NPAS3: variants seen among roughly 807,000 people sequenced by gnomAD.
The protein encoded by NPAS3 is neuronal PAS domain protein 3.
In NPAS3, 14 loss-of-function variants were observed where a neutral mutation model predicts 73.1. That is an observed-to-expected ratio of 0.19 (90% CI 0.13 to 0.30). The LOEUF is 0.30. Ranked by LOEUF, NPAS3 falls within the 10% of genes least tolerant of loss-of-function variation. The probability of loss-of-function intolerance (pLI) is 1.00; values close to 1 mark genes in which losing one functional copy is unlikely to be tolerated. For missense variants in NPAS3, 1,096 were observed against 1,250.0 expected (o/e 0.88, Z 1.86); for synonymous variants, 620 against 541.5 (o/e 1.14, Z -2.01).
At chr14:33,313,031 C>T (rs1054807464) in intron 3 of NPAS3, among the ~76,000 whole-genome samples, 12 of 151,868 alleles carry the variant, frequency 7.9e-5, no homozygotes, top group Non-Finnish European at 1.8e-4. Flanking sequence ...CTGAAATGAG[C>T]TCATGAAAAT....
intron 2 of NPAS3, among the ~76,000 whole-genome samples, chr14:33,097,621 G>A (rs1294265349): frequency 6.6e-6 from 1 of 152,174 alleles, no homozygotes; most frequent in Non-Finnish European, 1.5e-5. Context: ...CAAAGTGGTT[G>A]TACCAATCAG....
intron 5 of NPAS3, among the ~76,000 whole-genome samples, chr14:33,563,527 C>T (rs1474213408): frequency 7.8e-6 from 1 of 127,684 alleles, no homozygotes; most frequent in Non-Finnish European, 1.6e-5. Flanking sequence ...TACACACACA[C>T]ACACACACAC....
chr14:33,275,700 G>C (rs77693159), intron 3 of NPAS3, among the ~76,000 whole-genome samples: 5,702 of 70,120 alleles, frequency 0.081, 433 homozygotes, highest in East Asian at 0.38. Flanking sequence ...AATATTCCTG[G>C]TTGTTTTCCT....
intron 4 of NPAS3, among the ~76,000 whole-genome samples, chr14:33,412,231 A>G (rs1034669225): frequency 6.6e-6 from 1 of 152,010 alleles, no homozygotes; most frequent in African/African-American, 2.4e-5. Context: ...CAATTCTTCT[A>G]CATCAGCCTC....
chr14:32,990,916 C>T (rs995109552), intron 1 of NPAS3, among the ~76,000 whole-genome samples: 2 of 151,226 alleles, frequency 1.3e-5, no homozygotes, highest in East Asian at 2.0e-4. Context: ...AACAGAGATG[C>T]CATCTCAAAA....
intron 4 of NPAS3, among the ~76,000 whole-genome samples, chr14:33,474,839 G>A (rs1225541476): frequency 6.6e-6 from 1 of 152,128 alleles, no homozygotes; most frequent in Non-Finnish European, 1.5e-5. Flanking sequence ...TAACTTTACT[G>A]ATTACTTATG....
At chr14:33,450,895 T>C (rs893154921) in intron 4 of NPAS3, among the ~76,000 whole-genome samples, 1 of 152,216 alleles carries the variant, frequency 6.6e-6, no homozygotes, top group Non-Finnish European at 1.5e-5. Flanking sequence ...ACTCAAAATA[T>C]TATTTTTTCA....
chr14:33,546,270 T>C (rs2054838563), intron 4 of NPAS3, among the ~76,000 whole-genome samples: 1 of 152,212 alleles, frequency 6.6e-6, no homozygotes, highest in Admixed American at 6.5e-5. Context: ...TGCAATCCTG[T>C]TGTCGATTGA....
chr14:33,314,104 C>A (rs1159889993), intron 3 of NPAS3, among the ~76,000 whole-genome samples: 1 of 151,684 alleles, frequency 6.6e-6, no homozygotes, highest in Non-Finnish European at 1.5e-5. Context: ...CCTAATAGAC[C>A]ACTTTGTAAA....
intron 4 of NPAS3, among the ~76,000 whole-genome samples, chr14:33,425,750 A>G (rs1019702218): frequency 1.3e-5 from 2 of 152,078 alleles, no homozygotes; most frequent in Non-Finnish European, 2.9e-5. Flanking sequence ...CGTCTTGTAC[A>G]CACTGAGTTA....
chr14:33,646,020 T>G (rs1365445276), intron 5 of NPAS3, among the ~76,000 whole-genome samples: 3 of 152,188 alleles, frequency 2.0e-5, no homozygotes, highest in Non-Finnish European at 4.4e-5. Flanking sequence ...TAATTATATA[T>G]GTGCTTAGTG....
intron 4 of NPAS3, among the ~76,000 whole-genome samples, chr14:33,503,186 AATAG>A (rs2052600719): frequency 6.6e-6 from 1 of 151,972 alleles, no homozygotes; most frequent in African/African-American, 2.4e-5. Flanking sequence ...TGTCTTCTTA[AATAG>A]ATAAGTGAGA....
At chr14:33,275,394 G>A (rs1289966670) in intron 3 of NPAS3, among the ~76,000 whole-genome samples, 1 of 152,148 alleles carries the variant, frequency 6.6e-6, no homozygotes, top group East Asian at 1.9e-4. Context: ...TAAAATGCAT[G>A]GCAACATGCT....
intron 4 of NPAS3, among the ~76,000 whole-genome samples, chr14:33,496,301 C>G (rs1276844027): frequency 6.6e-6 from 1 of 152,088 alleles, no homozygotes; most frequent in Admixed American, 6.6e-5. Context: ...CCTTCTGAAA[C>G]TATTCCAATC....
At chr14:33,321,942 A>G (rs2043466156) in intron 3 of NPAS3, among the ~76,000 whole-genome samples, 1 of 152,118 alleles carries the variant, frequency 6.6e-6, no homozygotes, top group South Asian at 2.1e-4. Context: ...GACAGATAAG[A>G]GGTGGCAGGC....
At chr14:33,675,138 T>C (rs80292452) in intron 5 of NPAS3, among the ~76,000 whole-genome samples, 5,829 of 152,180 alleles carry the variant, frequency 0.038, 349 homozygotes, top group African/African-American at 0.13. Context: ...CTGAAACCAT[T>C]GCACTCCGGA....
intron 3 of NPAS3, among the ~76,000 whole-genome samples, chr14:33,330,701 G>C (rs1238048696): frequency 1.3e-5 from 2 of 152,156 alleles, no homozygotes; most frequent in African/African-American, 2.4e-5. Context: ...CCTTCTCAGA[G>C]GCCGGCAGAT....
At chr14:33,470,951 A>G (rs981270372) in intron 4 of NPAS3, among the ~76,000 whole-genome samples, 8 of 151,282 alleles carry the variant, frequency 5.3e-5, no homozygotes, top group Non-Finnish European at 7.4e-5. Context: ...AAAAAAAAGA[A>G]TGTTCTCTTT....
intron 4 of NPAS3, among the ~76,000 whole-genome samples, chr14:33,421,309 G>T (rs2139030943): frequency 6.6e-6 from 1 of 151,950 alleles, no homozygotes; most frequent in East Asian, 1.9e-4. Context: ...TCTCACTACA[G>T]CCCATCACAT....
Sources: gnomAD v4.1 joint callset for allele counts (sites outside exome capture counted in the v4.1 genomes callset) on GRCh38, gnomAD v4.1.1 for gene constraint, MANE v1.5 for transcripts, NCBI Gene and HGNC (gene_info 2026-07-23, HGNC 2026-07-21) for gene names.